NAALADL2: variants seen among roughly 807,000 people sequenced by gnomAD.
The protein encoded by NAALADL2 is N-acetylated alpha-linked acidic dipeptidase like 2.
Under a neutral mutation model 87.2 loss-of-function variants are expected in NAALADL2, and 76 were observed. That is an observed-to-expected ratio of 0.87 (90% CI 0.72 to 1.05). The LOEUF (loss-of-function observed/expected upper bound fraction) is 1.05, where lower values mean the gene tolerates loss of function less well. Among genes scored for constraint, NAALADL2 ranks in the 50% least tolerant of loss-of-function variants. The pLI is 0.00. For synonymous variants in NAALADL2, 354 were observed against 331.0 expected (o/e 1.07, Z -0.75); for missense variants, 1,089 against 945.8 (o/e 1.15, Z -1.99).
intron 10 of NAALADL2, among the ~76,000 whole-genome samples, chr3:175,587,078 G>A (rs1720642464): frequency 6.6e-6 from 1 of 152,162 alleles, no homozygotes; most frequent in South Asian, 2.1e-4. Flanking sequence ...GGATGTGCAT[G>A]GCCCTGACTC....
chr3:175,510,865 A>G (rs943090668), intron 9 of NAALADL2, among the ~76,000 whole-genome samples: 1 of 152,064 alleles, frequency 6.6e-6, no homozygotes, highest in African/African-American at 2.4e-5. Flanking sequence ...ACCTACCTCA[A>G]AGGTCCTTGT....
In NAALADL2 at chr3:175,064,820, C is replaced by T. The variant is rs576316215; in HGVS notation, c.44-31970C>T. Among the ~76,000 whole-genome samples, 613 of 152,148 alleles carry T rather than the reference C, an allele frequency of 4.0e-3. 5 individuals carry two copies. Among genetic ancestry groups the T allele is most frequent in the African/African-American group, 0.014 (582 of 41,534 alleles). On this transcript the variant is annotated intron_variant, in intron 1 of 13. Transcript: ENST00000454872. ...AAACTCTCTGCGTAGAAATCCTTCC[C>T]GGTGGAGCTGTTTGTAAAACTCCAA...
intron 5 of NAALADL2, among the ~76,000 whole-genome samples, chr3:175,432,674 C>T (rs9821712): frequency 0.71 from 107,232 of 151,822 alleles, 38,564 homozygotes; most frequent in Middle Eastern, 0.81. Flanking sequence ...TATGGAAAAA[C>T]CCTGTCAAAG....
chr3:174,945,681 T>G (rs1174297826), intron 1 of NAALADL2, among the ~76,000 whole-genome samples: 2 of 152,154 alleles, frequency 1.3e-5, no homozygotes, highest in African/African-American at 2.4e-5. Context: ...ATTCCTAGAA[T>G]TTGTGGCCTA....
At chr3:175,396,022 A>G (rs376764105) in intron 5 of NAALADL2, among the ~76,000 whole-genome samples, 1 of 152,176 alleles carries the variant, frequency 6.6e-6, no homozygotes, top group African/African-American at 2.4e-5. Flanking sequence ...GCTGTATTCA[A>G]TAAACAACTC....
intron 3 of NAALADL2, among the ~76,000 whole-genome samples, chr3:174,759,093 G>A (rs1712543606): frequency 6.6e-6 from 1 of 152,070 alleles, no homozygotes; most frequent in Non-Finnish European, 1.5e-5. Context: ...TGTTTCTCCA[G>A]AAATTTAGAA....
At chr3:175,504,209 T>C (rs1729949880) in intron 9 of NAALADL2, among the ~76,000 whole-genome samples, 1 of 152,226 alleles carries the variant, frequency 6.6e-6, no homozygotes, top group Non-Finnish European at 1.5e-5. Context: ...TTGTTGAGTT[T>C]GTCAAAGAGG....
intron 5 of NAALADL2, among the ~76,000 whole-genome samples, chr3:175,410,019 A>G (rs928109262): frequency 2.6e-5 from 4 of 152,120 alleles, no homozygotes; most frequent in Non-Finnish European, 5.9e-5. Flanking sequence ...ATAACCAAAC[A>G]TAATTGTATA....
intron 13 of NAALADL2, among the ~76,000 whole-genome samples, chr3:175,780,232 C>T (rs747815018): frequency 6.0e-5 from 9 of 151,156 alleles, no homozygotes; most frequent in Non-Finnish European, 8.9e-5. Flanking sequence ...GCCGAGATCG[C>T]GCCACTGCAC....
intron 13 of NAALADL2, among the ~76,000 whole-genome samples, chr3:175,772,625 TA>T (rs1749655653): frequency 6.6e-6 from 1 of 152,152 alleles, no homozygotes; most frequent in South Asian, 2.1e-4. Flanking sequence ...TCCTTCCTCA[TA>T]GGTCTGGGGT....
chr3:175,325,248 C>T (rs1760561164), intron 5 of NAALADL2, among the ~76,000 whole-genome samples: 1 of 152,160 alleles, frequency 6.6e-6, no homozygotes, highest in Admixed American at 6.5e-5. Flanking sequence ...TAATTAGCAA[C>T]TTTCTCCAAG....
chr3:175,477,079 A>C (rs9290557), intron 9 of NAALADL2, among the ~76,000 whole-genome samples: 122,237 of 151,892 alleles, frequency 0.8, 49,261 homozygotes, highest in East Asian at 0.9. Flanking sequence ...GAAAAGGCCC[A>C]CATCATCTTT....
At chr3:175,626,775 G>T (rs1582679037) in intron 10 of NAALADL2, among the ~76,000 whole-genome samples, 5 of 151,642 alleles carry the variant, frequency 3.3e-5, no homozygotes. Flanking sequence ...CTTAAGTATT[G>T]GTGCCACTCA....
chr3:175,477,247 A>T lies in NAALADL2; in HGVS notation c.1653+5489A>T, dbSNP rs567569465. 4.6e-5 allele frequency among the ~76,000 whole-genome samples: 7 copies of T among 152,268 alleles called. No homozygotes were observed. In the East Asian group the frequency reaches 1.4e-3, roughly 29 times the overall value. ...AGTGTATATATAAATCAATATATAA[A>T]TGCATCATCAAGCATCTTTTAGAAC... is the stretch of plus-strand genomic sequence containing the variant. On this transcript the variant is annotated intron_variant, in intron 9 of 13. Coordinates refer to ENST00000454872, the MANE Select transcript of NAALADL2 (RefSeq NM_207015.3).
At chr3:175,230,467 G>A (rs201735621) in intron 2 of NAALADL2, among the ~76,000 whole-genome samples, 3 of 151,872 alleles carry the variant, frequency 2.0e-5, no homozygotes, top group East Asian at 3.9e-4. Context: ...AAAAACAAGA[G>A]CAGTTATTCT....
intron 3 of NAALADL2, among the ~76,000 whole-genome samples, chr3:174,821,397 C>A (rs75308425): frequency 0.098 from 14,937 of 152,172 alleles, 818 homozygotes; most frequent in Middle Eastern, 0.13. Context: ...GATCTGGTAA[C>A]ATTTGCTATT....
chr3:174,504,712 A>G (rs1719098486), intron 1 of NAALADL2, among the ~76,000 whole-genome samples: 1 of 152,164 alleles, frequency 6.6e-6, no homozygotes, highest in Non-Finnish European at 1.5e-5. Context: ...AGGTATAGAT[A>G]CATGTCACCA....
intron 3 of NAALADL2, among the ~76,000 whole-genome samples, chr3:174,757,276 G>A (rs1453977988): frequency 6.6e-6 from 1 of 152,128 alleles, no homozygotes; most frequent in African/African-American, 2.4e-5. Flanking sequence ...TTGGGTAGGT[G>A]GTAGCAGTGA....
intron 3 of NAALADL2, among the ~76,000 whole-genome samples, chr3:174,795,586 C>G (rs1216774010): frequency 6.6e-6 from 1 of 151,972 alleles, no homozygotes; most frequent in Admixed American, 6.6e-5. Flanking sequence ...AATAGTAATT[C>G]TATGTTTAAT....
Sources: allele counts gnomAD v4.1 joint callset (sites outside exome capture counted in the v4.1 genomes callset), GRCh38; gene constraint gnomAD v4.1.1; transcripts MANE v1.5; gene names NCBI Gene and HGNC (gene_info 2026-07-23, HGNC 2026-07-21).